Variants in NXNL2 observed in about 807,000 individuals in gnomAD.
NXNL2 encodes the protein nucleoredoxin-like protein 2.
NXNL2 carries 7 observed loss-of-function variants against 11.1 expected under a neutral mutation model. That is an observed-to-expected ratio of 0.63 (90% CI 0.36 to 1.18). NXNL2 has a LOEUF of 1.18. NXNL2 is among the 50% of genes most tolerant of loss of function. NXNL2 has a pLI of 0.02. For synonymous variants in NXNL2, 109 were observed against 101.8 expected, an observed-to-expected ratio of 1.07 and a Z score of -0.42; for missense variants, 233 against 217.7, an observed-to-expected ratio of 1.07 and a Z score of -0.44.
chr9:88,553,977 G>A (rs1189186334), intron 1 of NXNL2, among the ~76,000 whole-genome samples: 1 of 152,108 alleles, frequency 6.6e-6, no homozygotes, highest in Non-Finnish European at 1.5e-5. Context: ...ATTAGTACAA[G>A]GTTTTAGATA....
At chr9:88,575,084 A>G in intron 2 of NXNL2, 2 of 965,822 alleles carry the variant, frequency 2.1e-6, no homozygotes, top group Non-Finnish European at 2.5e-6. Flanking sequence ...TATTCCTTTG[A>G]AGCCATTGCT....
At chr9:88,580,985 T>C (rs1830403093) in intron 1 of NXNL2, among the ~76,000 whole-genome samples, 1 of 152,234 alleles carries the variant, frequency 6.6e-6, no homozygotes. Context: ...AAGAGTGACG[T>C]GGTATCCTCC....
chr9:88,555,149 C>A (rs1448920410), intron 1 of NXNL2, among the ~76,000 whole-genome samples: 1 of 152,144 alleles, frequency 6.6e-6, no homozygotes, highest in Non-Finnish European at 1.5e-5. Flanking sequence ...GGAAAGAATT[C>A]AAGAGTGAGC....
chr9:88,579,947 G>A (rs923791646), downstream of NXNL2, among the ~76,000 whole-genome samples: 1 of 151,764 alleles, frequency 6.6e-6, no homozygotes, highest in Non-Finnish European at 1.5e-5. Flanking sequence ...TGACTAACAC[G>A]GTGAAATCCT....
chr9:88,583,060 T>A (rs1830426508), intron 1 of NXNL2, among the ~76,000 whole-genome samples: 1 of 152,174 alleles, frequency 6.6e-6, no homozygotes, highest in South Asian at 2.1e-4. Flanking sequence ...ACTGGACAAT[T>A]CCATGTGTCT....
exon 3 of NXNL2, chr9:88,575,360 C>A: frequency 6.2e-6 from 1 of 161,474 alleles, no homozygotes; most frequent in Non-Finnish European, 1.3e-5. Flanking sequence ...CCTAAGTGTC[C>A]ATCAACAGAT....
At chr9:88,548,879 C>G (rs993926785), downstream of NXNL2, among the ~76,000 whole-genome samples, 3 of 151,988 alleles carry the variant, frequency 2.0e-5, no homozygotes, top group African/African-American at 7.3e-5. Context: ...GGGTGGAGCC[C>G]TCATAAATGG....
Position 88,535,399 on chromosome 9 carries a change from G to T in NXNL2, c.-36G>T. 1 of 1,538,744 alleles carries T rather than the reference G, an allele frequency of 6.5e-7. No homozygotes were observed. Among genetic ancestry groups the T allele is most frequent in the Non-Finnish European group, 8.7e-7 (1 of 1,149,610 alleles). On this transcript the variant is annotated 5_prime_UTR_variant, in exon 1 of 2. Transcript: ENST00000375854. ...CCCGCAGGTGATCATCCTCCTGCAG[G>T]TGTCCTCGGGTCTCAGGTGGCTGCG...
At chr9:88,578,914 TGGA>T (rs1315486883), downstream of NXNL2, among the ~76,000 whole-genome samples, 1 of 152,172 alleles carries the variant, frequency 6.6e-6, no homozygotes, top group East Asian at 1.9e-4. Context: ...ACCTTGAAGT[TGGA>T]GAAGTAGGCG....
At chr9:88,577,093 G>C (rs1222054135), downstream of NXNL2, among the ~76,000 whole-genome samples, 1 of 152,198 alleles carries the variant, frequency 6.6e-6, no homozygotes, top group South Asian at 2.1e-4. Flanking sequence ...AAGCAGGGGA[G>C]TGGGGTGACC....
downstream of NXNL2, among the ~76,000 whole-genome samples, chr9:88,579,922 A>G (rs1830390692): frequency 6.6e-6 from 1 of 152,016 alleles, no homozygotes; most frequent in South Asian, 2.1e-4. Flanking sequence ...CGAGGTCAGG[A>G]GATCGAGACC....
intron 1 of NXNL2, among the ~76,000 whole-genome samples, chr9:88,555,880 G>A (rs1225742716): frequency 6.6e-6 from 1 of 152,182 alleles, no homozygotes; most frequent in Non-Finnish European, 1.5e-5. Flanking sequence ...CAGAGGGTCC[G>A]GCCACAGTGC....
At chr9:88,584,477 A>T (rs1048485373), downstream of NXNL2, among the ~76,000 whole-genome samples, 3 of 152,240 alleles carry the variant, frequency 2.0e-5, no homozygotes, top group African/African-American at 7.2e-5. Context: ...CAGCCTCCAG[A>T]ACAGTGAGAA....
At position 88,568,122 on chromosome 9, in the gene NXNL2, A is replaced by T. The variant is rs143152279; in HGVS notation, c.303-2965A>T. On this transcript the variant is annotated intron_variant, in intron 1 of 2. Transcript: ENST00000375855. Reference sequence around the variant, plus strand: ...GAAGTTACTTGCTTTTAAGTTAGAGATGATCAAGTACACAGAATTCCCTAT... The same window carrying T: ...GAAGTTACTTGCTTTTAAGTTAGAGTTGATCAAGTACACAGAATTCCCTAT... Among the ~76,000 whole-genome samples the T allele has an allele frequency of 4.7e-3, 721 of 152,342 alleles. 11 individuals are homozygous for T. The highest frequency in any genetic ancestry group is 0.016 in the African/African-American group (678 of 41,584).
At chr9:88,541,884 C>G (rs571791439) in intron 1 of NXNL2, among the ~76,000 whole-genome samples, 1 of 152,076 alleles carries the variant, frequency 6.6e-6, no homozygotes, top group Non-Finnish European at 1.5e-5. Flanking sequence ...TTGTCATCTG[C>G]GTTACTATTT....
At chr9:88,579,857 G>C (rs139579282), downstream of NXNL2, among the ~76,000 whole-genome samples, 3 of 152,082 alleles carry the variant, frequency 2.0e-5, no homozygotes, top group Admixed American at 2.0e-4. Flanking sequence ...ATGGGAGGGC[G>C]CGGTGGCTCA....
chr9:88,580,438 G>C (rs1281290666), downstream of NXNL2, among the ~76,000 whole-genome samples: 4 of 152,030 alleles, frequency 2.6e-5, no homozygotes, highest in Non-Finnish European at 5.9e-5. Flanking sequence ...TACCTTGCCT[G>C]GCCAAAATTG....
intron 1 of NXNL2, among the ~76,000 whole-genome samples, chr9:88,566,042 C>T (rs1028412246): frequency 6.6e-6 from 1 of 152,036 alleles, no homozygotes; most frequent in African/African-American, 2.4e-5. Flanking sequence ...TTTTGTTTTG[C>T]TTTTTCTATT....
intron 1 of NXNL2, among the ~76,000 whole-genome samples, chr9:88,540,124 A>G (rs1829719657): frequency 6.6e-6 from 1 of 151,860 alleles, no homozygotes; most frequent in Non-Finnish European, 1.5e-5. Context: ...CAAAGTCAGG[A>G]GATCGAAACC....
Sources: gnomAD v4.1 joint callset for allele counts (sites outside exome capture counted in the v4.1 genomes callset) on GRCh38, gnomAD v4.1.1 for gene constraint, MANE v1.5 for transcripts, NCBI Gene and HGNC (gene_info 2026-07-23, HGNC 2026-07-21) for gene names.